Variants in TMEM33 observed in about 807,000 individuals in gnomAD.
TMEM33 encodes the protein transmembrane protein 33.
TMEM33 carries 16 observed loss-of-function variants against 29.7 expected under a neutral mutation model. That is an observed-to-expected ratio of 0.54 (90% CI 0.36 to 0.82). The LOEUF (loss-of-function observed/expected upper bound fraction) is 0.82. Among genes scored for constraint, TMEM33 ranks in the 40% least tolerant of loss-of-function variants. TMEM33 has a pLI of 0.00. For synonymous variants in TMEM33, 112 were observed against 109.4 expected (o/e 1.02, Z -0.15); for missense variants, 252 against 295.3 (o/e 0.85, Z 1.08).
intron 6 of TMEM33, among the ~76,000 whole-genome samples, chr4:41,950,116 G>T (rs1203724138): frequency 1.3e-5 from 2 of 152,076 alleles, no homozygotes; most frequent in African/African-American, 4.8e-5. Flanking sequence ...ATATTCTTCT[G>T]ATACCCTTGT....
rs544052949 is a variant in TMEM33, at chr4:41,951,646, A to G, written c.614+2261A>G. On this transcript the variant is annotated intron_variant, in intron 6 of 6. Transcript: ENST00000504986. ...AAAATATCTTCTTTCAGAGGTACTC[A>G]CTGCTGAATAAATTAGACAGCTATG... 2.6e-5 allele frequency among the ~76,000 whole-genome samples: 4 copies of G among 152,330 alleles called. 1 individual carries two copies. In the South Asian group the frequency reaches 8.3e-4, roughly 32 times the overall value.
At chr4:41,946,851 T>A (rs1480773541) in intron 5 of TMEM33, among the ~76,000 whole-genome samples, 1 of 152,214 alleles carries the variant, frequency 6.6e-6, no homozygotes, top group African/African-American at 2.4e-5. Flanking sequence ...TTGTTATTCA[T>A]TTTTCTCGGG....
In TMEM33 at chr4:41,954,296, A is replaced by T; in HGVS notation, c.*97A>T. On this transcript the variant is annotated 3_prime_UTR_variant, in exon 7 of 7. Transcript: ENST00000504986. Reference sequence around the variant, plus strand: ...AATTCCAGGTGTTACACTGACCTCAATCCAATTTACATAATTTACATAAAT... The same window carrying T: ...AATTCCAGGTGTTACACTGACCTCATTCCAATTTACATAATTTACATAAAT... The T allele has an allele frequency of 1.6e-6, 2 of 1,234,110 alleles. No individual in the cohort carries two copies. Among genetic ancestry groups the T allele is most frequent in the South Asian group, 1.8e-5 (1 of 57,138 alleles). 76.4% of individuals were successfully genotyped at this position (1,234,110 alleles called of 1,614,324 possible).
chr4:41,940,744 G>T (rs1400240572), intron 3 of TMEM33, among the ~76,000 whole-genome samples: 2 of 146,986 alleles, frequency 1.4e-5, no homozygotes, highest in Non-Finnish European at 3.0e-5. Flanking sequence ...TGGAGTGGAG[G>T]TTGCAGTGAA....
At chr4:41,936,534 CCTT>C (rs1157338851) in intron 1 of TMEM33, among the ~76,000 whole-genome samples, 2 of 150,892 alleles carry the variant, frequency 1.3e-5, no homozygotes, top group East Asian at 3.9e-4. Context: ...TAGAGCAAAA[CCTT>C]CTCTCAAAAC....
chr4:41,939,379 T>A lies in TMEM33; in HGVS notation c.324T>A (p.Val108=). The change falls in exon 3 of 7, where the codon GTT becomes GTA. Residue 108 remains valine (V), a synonymous_variant. Coordinates refer to ENST00000504986, the MANE Select transcript of TMEM33 (RefSeq NM_018126.3). ...YSLIFVNSYP[V]TMSIFPVLLF... is the part of the protein sequence containing the mutation. ...TCATCTTTGTAAATTCCTATCCAGT[T>A]ACAAGTATCCTTTTCTACCTTGTTA... 6.2e-7 allele frequency: 1 copy of A among 1,612,640 alleles called. No individual in the cohort carries two copies. The highest frequency in any genetic ancestry group is 8.5e-7 in the Non-Finnish European group (1 of 1,179,654).
At chr4:41,949,434 G>GC (rs2153127627) in intron 6 of TMEM33, 49 bp downstream of exon 6, 1 of 1,417,490 alleles carries the variant, frequency 7.1e-7, no homozygotes, top group Non-Finnish European at 9.8e-7. Flanking sequence ...AGAGTATTGT[G>GC]AATATATAGT....
Position 41,954,119 on chromosome 4 carries a change from C to T in TMEM33, c.664C>T (p.Pro222Ser). 5 of 1,613,892 alleles carry T rather than the reference C, an allele frequency of 3.1e-6. No homozygotes were observed. Among genetic ancestry groups the T allele is most frequent in the Non-Finnish European group, 4.2e-6 (5 of 1,179,864 alleles). The change falls in exon 7 of 7, where the codon CCT becomes TCT. Residue 222 changes from proline (P) to serine (S), a missense_variant. Coordinates refer to ENST00000504986, the MANE Select transcript of TMEM33 (RefSeq NM_018126.3). The part of the protein sequence containing the change: ...RIVVEHIIMK[P>S]ACPLFVRRLC... ...TGTTGTTGAACACATAATAATGAAA[C>T]CTGCTTGCCCACTGTTTGTGAGAAG...
Position 41,939,159 on chromosome 4 carries a change from T to A in TMEM33, c.141-37T>A, listed in dbSNP as rs551380994. ...AGGAGGAAGAGACACTGCAGTTGTTTATGTCTCATGATAACCTCTCCTCTG... is the reference window on the plus strand; with the variant it reads ...AGGAGGAAGAGACACTGCAGTTGTTAATGTCTCATGATAACCTCTCCTCTG... On this transcript the variant is annotated intron_variant, in intron 2 of 6. Transcript: ENST00000504986. 2.6e-6 allele frequency: 4 copies of A among 1,546,504 alleles called. No homozygotes were observed. In the East Asian group the frequency reaches 9.1e-5, roughly 35 times the overall value.
At chr4:41,944,645 T>C (rs2153127079) in intron 4 of TMEM33, 148 bp from the exon 5 acceptor site, 1 of 928,554 alleles carries the variant, frequency 1.1e-6, no homozygotes, top group South Asian at 1.7e-5. Context: ...ATATTTGTCC[T>C]TAAATAGTTT....
rs1337324809 is a variant in TMEM33, at chr4:41,954,942, T to G, written c.*743T>G. 6.6e-6 allele frequency: 1 copy of G among 152,578 alleles called. No individual in the cohort carries two copies. Among genetic ancestry groups the G allele is most frequent in the Non-Finnish European group, 1.5e-5 (1 of 68,038 alleles). 9.5% of individuals were successfully genotyped at this position (152,578 alleles called of 1,614,324 possible). The stretch of plus-strand genomic sequence containing the variant: ...TCAAAGAGCCATTGAGAAACATTTC[T>G]CAAACAGGAAATCCTTCTTTTACTA... On this transcript the variant is annotated 3_prime_UTR_variant, in exon 7 of 7. Coordinates refer to ENST00000504986, the MANE Select transcript of TMEM33 (RefSeq NM_018126.3).
At chr4:41,943,056 A>G (rs1326302442) in intron 3 of TMEM33, among the ~76,000 whole-genome samples, 3 of 152,208 alleles carry the variant, frequency 2.0e-5, no homozygotes, top group African/African-American at 7.2e-5. Context: ...CTGTAAAACT[A>G]CTGTGTTTGA....
chr4:41,943,850 A>G, intron 4 of TMEM33, 36 bp downstream of exon 4: 1 of 1,586,116 alleles, frequency 6.3e-7, no homozygotes. Flanking sequence ...CTTCTGAATT[A>G]CAGATCATTG....
intron 1 of TMEM33, among the ~76,000 whole-genome samples, chr4:41,935,918 G>A (rs1028419222): frequency 1.3e-5 from 2 of 152,224 alleles, no homozygotes; most frequent in African/African-American, 4.8e-5. Flanking sequence ...GGCAAAGAAC[G>A]TTTCTGCCTA....
intron 6 of TMEM33, among the ~76,000 whole-genome samples, chr4:41,949,939 T>C (rs1407298016): frequency 6.6e-6 from 1 of 152,190 alleles, no homozygotes; most frequent in African/African-American, 2.4e-5. Context: ...TGAGGAACTT[T>C]ATGTAGAGCT....
intron 5 of TMEM33, among the ~76,000 whole-genome samples, chr4:41,949,031 C>T (rs556825105): frequency 1.3e-5 from 2 of 152,016 alleles, no homozygotes; most frequent in East Asian, 3.9e-4. Flanking sequence ...TTAACATTTT[C>T]TGATTTATTT....
chr4:41,945,180 TGAAA>T (rs1712728767), intron 5 of TMEM33, among the ~76,000 whole-genome samples: 1 of 152,224 alleles, frequency 6.6e-6, no homozygotes, highest in Non-Finnish European at 1.5e-5. Flanking sequence ...TTACCACCTT[TGAAA>T]GAATCTTATG....
chr4:41,939,374 C>A lies in TMEM33; in HGVS notation c.319C>A (p.Pro107Thr), dbSNP rs556361322. ...LYSLIFVNSY[P>T]VTMSIFPVLL... ...TTCACTCATCTTTGTAAATTCCTAT[C>A]CAGTTACAAGTATCCTTTTCTACCT... is the stretch of plus-strand genomic sequence containing the variant. Residue 107 changes from proline (P) to threonine (T), a missense_variant, in exon 3 of 7, where the codon CCA (proline) becomes ACA (threonine). Pro to Thr is a conservative substitution (Grantham distance 38). Coordinates refer to ENST00000504986, the MANE Select transcript of TMEM33 (RefSeq NM_018126.3). 5 of 1,613,212 alleles carry A rather than the reference C, an allele frequency of 3.1e-6. No homozygotes were observed. In the African/African-American group the frequency reaches 6.7e-5, roughly 22 times the overall value.
At chr4:41,949,231 G>A in intron 5 of TMEM33, 71 bp from the exon 6 acceptor site, 1 of 1,013,028 alleles carries the variant, frequency 9.9e-7, no homozygotes, top group Non-Finnish European at 1.5e-6. Flanking sequence ...CAGTTGAATT[G>A]CTTTTAAGTT....
Sources: allele counts gnomAD v4.1 joint callset (sites outside exome capture counted in the v4.1 genomes callset), GRCh38; gene constraint gnomAD v4.1.1; transcripts MANE v1.5; gene names NCBI Gene and HGNC (gene_info 2026-07-23, HGNC 2026-07-21).